The following COA1 variants were observed in gnomAD, a reference collection of about 807,000 sequenced individuals.
COA1 encodes the protein cytochrome c oxidase assembly factor 1 homolog.
COA1 carries 13 observed loss-of-function variants against 16.0 expected under a neutral mutation model. The ratio of observed to expected loss-of-function variants is 0.81; its 90% CI spans 0.53 to 1.29. The LOEUF (loss-of-function observed/expected upper bound fraction) is 1.29, where lower values mean the gene tolerates loss of function less well. Among genes scored for constraint, COA1 ranks in the 50% most tolerant of loss-of-function variants. COA1 has a pLI of 0.00. For missense variants in COA1, 179 were observed against 177.0 expected (o/e 1.01, Z -0.06); for synonymous variants, 65 against 65.7 (o/e 0.99, Z 0.05).
At chr7:43,638,667 C>G (rs1366507175), downstream of COA1, 1 of 150,150 alleles carries the variant, frequency 6.7e-6, no homozygotes, top group Non-Finnish European at 1.5e-5. Flanking sequence ...CCTCTGCCTC[C>G]TGGATTCAAG....
intron 1 of COA1, among the ~76,000 whole-genome samples, chr7:43,691,402 AGG>A (rs2094335441): frequency 8.5e-6 from 1 of 118,150 alleles, no homozygotes; most frequent in Non-Finnish European, 1.8e-5. Flanking sequence ...GAAGGAAGGA[AGG>A]AAGGAAGGAA....
intron 1 of COA1, among the ~76,000 whole-genome samples, chr7:43,659,707 C>G (rs947166339): frequency 6.6e-6 from 1 of 150,820 alleles, no homozygotes; most frequent in African/African-American, 2.4e-5. Flanking sequence ...TTTATTCTCA[C>G]AGACTCAGGT....
chr7:43,647,145 C>CA (rs1035444378), intron 3 of COA1: 15 of 230,968 alleles, frequency 6.5e-5, no homozygotes, highest in African/African-American at 2.9e-4. Context: ...AATGAAAGTG[C>CA]AAAAAAAGTC....
intron 1 of COA1, among the ~76,000 whole-genome samples, chr7:43,706,018 G>C (rs554105358): frequency 6.6e-6 from 1 of 152,114 alleles, no homozygotes; most frequent in South Asian, 2.1e-4. Flanking sequence ...GAGTGTGCTG[G>C]CCTACTTGAT....
chr7:43,613,659 A>G (rs1030241409), intron 6 of COA1, among the ~76,000 whole-genome samples: 1 of 152,082 alleles, frequency 6.6e-6, no homozygotes, highest in Non-Finnish European at 1.5e-5. Flanking sequence ...CCCAGGCAAC[A>G]TAGTGAGACC....
chr7:43,673,165 G>A (rs1477093884), intron 1 of COA1, among the ~76,000 whole-genome samples: 1 of 152,230 alleles, frequency 6.6e-6, no homozygotes, highest in Non-Finnish European at 1.5e-5. Flanking sequence ...TGACAAGTGA[G>A]ATCTAATTAA....
chr7:43,691,252 A>AAAT (rs1563380465), intron 1 of COA1, among the ~76,000 whole-genome samples: 1 of 65,430 alleles, frequency 1.5e-5, no homozygotes, highest in Admixed American at 1.8e-4. Context: ...TTGACTCAAA[A>AAAT]AAAGAAAGAA....
chr7:43,614,474 G>A (rs148237140), intron 6 of COA1, among the ~76,000 whole-genome samples: 572 of 152,260 alleles, frequency 3.8e-3, no homozygotes, highest in Non-Finnish European at 6.1e-3. Context: ...TTGTTTTCAG[G>A]ACATGTATTT....
intron 1 of COA1, among the ~76,000 whole-genome samples, chr7:43,722,701 C>T (rs1442152634): frequency 6.6e-6 from 1 of 152,246 alleles, no homozygotes; most frequent in African/African-American, 2.4e-5. Context: ...CCACGCCCAG[C>T]TAGTACATTC....
intron 1 of COA1, among the ~76,000 whole-genome samples, chr7:43,692,769 T>C (rs2094416020): frequency 6.6e-6 from 1 of 151,782 alleles, no homozygotes; most frequent in African/African-American, 2.4e-5. Context: ...AGATAGGAAA[T>C]CCAAAGATCC....
chr7:43,691,150 G>C (rs549930749), intron 1 of COA1, among the ~76,000 whole-genome samples: 1 of 150,142 alleles, frequency 6.7e-6, no homozygotes, highest in African/African-American at 2.5e-5. Flanking sequence ...GGAGGCTGCA[G>C]TGGAAGGATT....
At chr7:43,707,743 TATA>T (rs1221394950) in intron 1 of COA1, among the ~76,000 whole-genome samples, 1 of 152,232 alleles carries the variant, frequency 6.6e-6, no homozygotes, top group Non-Finnish European at 1.5e-5. Context: ...GTTTGAAATG[TATA>T]ATAATTTACT....
Position 43,654,790 on chromosome 7 carries a change from C to T in COA1, c.-38-6138G>A, listed in dbSNP as rs1333639895. Among the ~76,000 whole-genome samples the T allele has an allele frequency of 3.3e-5, 5 of 152,170 alleles. No individual in the cohort carries two copies. In the East Asian group the frequency reaches 9.6e-4, roughly 29 times the overall value. Reference sequence around the variant, plus strand: ...CAAAAATGTAGAACATGTTCCAGTTCCGTTCACCAACACCTCCTGGTAAAA... The same window carrying T: ...CAAAAATGTAGAACATGTTCCAGTTTCGTTCACCAACACCTCCTGGTAAAA... On this transcript the variant is annotated intron_variant, in intron 1 of 5. Transcript: ENST00000223336.
chr7:43,625,667 G>A (rs2084434123), intron 6 of COA1: 1 of 152,150 alleles, frequency 6.6e-6, no homozygotes, highest in African/African-American at 2.4e-5. Flanking sequence ...GTATCAGTGT[G>A]ATCTGATCAA....
intron 6 of COA1, chr7:43,624,506 G>C (rs749577865): frequency 6.3e-7 from 1 of 1,593,558 alleles, no homozygotes; most frequent in Admixed American, 1.8e-5. Flanking sequence ...TGTAAAACAT[G>C]TATCTTTACA....
At chr7:43,670,531 A>G (rs902637447) in intron 1 of COA1, among the ~76,000 whole-genome samples, 9 of 152,162 alleles carry the variant, frequency 5.9e-5, no homozygotes, top group Admixed American at 3.3e-4. Flanking sequence ...TACCCACTAA[A>G]CACGTACTAT....
intron 6 of COA1, chr7:43,626,543 T>TA (rs925896703): frequency 1.3e-5 from 2 of 152,186 alleles, no homozygotes; most frequent in Non-Finnish European, 2.9e-5. Context: ...GCCACAGTGA[T>TA]AGAGTTTTTA....
rs775728797 is a variant in COA1, at chr7:43,682,831, T to TA, written c.-38-34180dup. On this transcript the variant is annotated intron_variant, in intron 1 of 5. Coordinates refer to ENST00000223336, the MANE Select transcript of COA1 (RefSeq NM_018224.4). ...GAGACAGCCTACCTATACAAGCTGA[T>TA]AGTTTGTTTTTTGGGGTTTTTTGTT... is the stretch of plus-strand genomic sequence containing the variant. Among the ~76,000 whole-genome samples the TA allele has an allele frequency of 1.5e-3, 235 of 152,170 alleles. 1 individual carries two copies. The highest frequency in any genetic ancestry group is 2.1e-3 in the Non-Finnish European group (140 of 68,002).
Position 43,666,347 on chromosome 7 carries a change from C to A in COA1, c.-38-17695G>T, listed in dbSNP as rs140964877. Among the ~76,000 whole-genome samples the A allele has an allele frequency of 1.8e-3, 273 of 152,268 alleles. 1 individual carries two copies. The highest frequency in any genetic ancestry group is 3.0e-3 in the Non-Finnish European group (202 of 68,014). On this transcript the variant is annotated intron_variant, in intron 1 of 5. Transcript: ENST00000223336. ...GATCTGTCTTTGCCTTCAGCTGTAC[C>A]TGCTTATTAGGCCCTAAAAAATGCA...
Sources: allele counts gnomAD v4.1 joint callset (sites outside exome capture counted in the v4.1 genomes callset), GRCh38; gene constraint gnomAD v4.1.1; transcripts MANE v1.5; gene names NCBI Gene and HGNC (gene_info 2026-07-23, HGNC 2026-07-21).